Variants in FMO2 observed in about 807,000 individuals in gnomAD.
FMO2 encodes the protein flavin-containing monooxygenase 2.
FMO2 carries 33 observed loss-of-function variants against 41.6 expected under a neutral mutation model. That is an observed-to-expected ratio of 0.79 (90% confidence interval 0.60 to 1.06). The LOEUF (loss-of-function observed/expected upper bound fraction) is 1.06. Ranked by LOEUF, FMO2 falls within the 50% of genes least tolerant of loss-of-function variation. The probability of loss-of-function intolerance (pLI) is 0.00; values close to 1 mark genes in which losing one functional copy is unlikely to be tolerated. For synonymous variants in FMO2, 214 were observed against 219.6 expected, an observed-to-expected ratio of 0.97 and a Z score of 0.23; for missense variants, 619 against 632.9, an observed-to-expected ratio of 0.98 and a Z score of 0.23.
rs1045998026 is a variant in FMO2, at chr1:171,209,344, C to G, written c.*199C>G. The G allele has an allele frequency of 1.8e-5, 7 of 384,626 alleles. No homozygotes were observed. The highest frequency in any genetic ancestry group is 1.5e-4 in the African/African-American group (7 of 48,224). 23.8% of individuals were successfully genotyped at this position (384,626 alleles called of 1,614,324 possible). A position where few individuals can be genotyped will look rare whatever the true frequency, so the allele number is the denominator to read the frequency against. On this transcript the variant is annotated 3_prime_UTR_variant, in exon 9 of 9. Transcript: ENST00000209929. ...CCAAAATTTTGTCATGAAATTTTGCCTTTCCACGCTTCCCTCAGTTCACCA... is the reference window on the plus strand; with the variant it reads ...CCAAAATTTTGTCATGAAATTTTGCGTTTCCACGCTTCCCTCAGTTCACCA...
intron 4 of FMO2, among the ~76,000 whole-genome samples, chr1:171,198,581 T>G (rs1410637388): frequency 6.6e-6 from 1 of 151,814 alleles, no homozygotes; most frequent in Non-Finnish European, 1.5e-5. Flanking sequence ...CCTGGCTAAT[T>G]TTTGTATTTT....
intron 2 of FMO2, chr1:171,186,055 T>C: frequency 2.4e-6 from 1 of 420,798 alleles, no homozygotes; most frequent in Non-Finnish European, 4.3e-6. Flanking sequence ...GACCCAGGCA[T>C]GTAAAAGATC....
rs1271818944 is a variant in FMO2, at chr1:171,210,079, T to C, written c.*934T>C. The C allele has an allele frequency of 6.6e-6, 1 of 152,200 alleles. No homozygotes were observed. The highest frequency in any genetic ancestry group is 2.4e-5 in the African/African-American group (1 of 41,472). The allele number at this position is 152,200 out of a possible 1,614,324, so 9.4% of individuals were successfully genotyped here. ...ATTTATAAAGAATTTACTAACAGTT[T>C]ATCTTATTTATACCCATACATCTGC... On this transcript the variant is annotated 3_prime_UTR_variant, in exon 9 of 9. Coordinates refer to ENST00000209929, the MANE Select transcript of FMO2 (RefSeq NM_001460.5).
At chr1:171,203,749 T>C (rs1164217733) in intron 5 of FMO2, 116 bp from the exon 6 acceptor site, 3 of 890,520 alleles carry the variant, frequency 3.4e-6, no homozygotes, top group Admixed American at 4.4e-5. Flanking sequence ...CAATCATCTT[T>C]AAAACAGAAC....
chr1:171,207,221 C>T (rs1485850059), intron 7 of FMO2, among the ~76,000 whole-genome samples: 1 of 152,144 alleles, frequency 6.6e-6, no homozygotes, highest in Non-Finnish European at 1.5e-5. Context: ...ATCAATCTTT[C>T]CCTATCTCTA....
rs1005097385 is a variant in FMO2 at position 171,209,907 on chromosome 1, A to C, written c.*762A>C. The C allele has an allele frequency of 1.6e-4, 24 of 152,190 alleles. No individual in the cohort carries two copies. The highest frequency in any genetic ancestry group is 5.8e-4 in the African/African-American group (24 of 41,442). 9.4% of individuals were successfully genotyped at this position (152,190 alleles called of 1,614,324 possible). A position where few individuals can be genotyped will look rare whatever the true frequency, so the allele number is the denominator to read the frequency against. On this transcript the variant is annotated 3_prime_UTR_variant, in exon 9 of 9. Coordinates refer to ENST00000209929, the MANE Select transcript of FMO2 (RefSeq NM_001460.5). ...ACAATTCTGTGAAATGGTTACAGCT[A>C]TTATAGTCATTTCACAGATGATGAA... is the stretch of plus-strand genomic sequence containing the variant.
intron 5 of FMO2, among the ~76,000 whole-genome samples, chr1:171,203,321 TCTCACACACACACA>T (rs1258062606): frequency 0.017 from 2,141 of 122,646 alleles, 48 homozygotes; most frequent in African/African-American, 0.069. Context: ...CAAGACCCTG[TCTCACACACACACA>T]CACACACACA....
At chr1:171,201,177 CAGTGTAAA>C (rs1417978408) in intron 5 of FMO2, among the ~76,000 whole-genome samples, 22 of 152,116 alleles carry the variant, frequency 1.4e-4, no homozygotes, top group Non-Finnish European at 1.5e-5. Flanking sequence ...CTCCCTCTAT[CAGTGTAAA>C]TGCCACTAGA....
Position 171,199,337 on chromosome 1 carries a change from C to A in FMO2, c.485-9C>A. 6.4e-7 allele frequency: 1 copy of A among 1,574,122 alleles called. No individual in the cohort carries two copies. Among genetic ancestry groups the A allele is most frequent in the Non-Finnish European group, 8.6e-7 (1 of 1,163,450 alleles). On this transcript the variant is annotated splice_polypyrimidine_tract_variant and intron_variant, in intron 4 of 8. Coordinates refer to ENST00000209929, the MANE Select transcript of FMO2 (RefSeq NM_001460.5). ...GAGCTCACAGACTTCTCTCTTCTTC[C>A]CCCTGAAGGTATGGAGAGGTTCAAA...
At chr1:171,198,489 T>C (rs1256652035) in intron 4 of FMO2, among the ~76,000 whole-genome samples, 2 of 150,918 alleles carry the variant, frequency 1.3e-5, no homozygotes, top group African/African-American at 4.9e-5. Context: ...CACTGCAACC[T>C]CCACAACCTC....
At chr1:171,206,510 TG>T (rs1658763631) in intron 7 of FMO2, among the ~76,000 whole-genome samples, 2 of 152,190 alleles carry the variant, frequency 1.3e-5, no homozygotes, top group Non-Finnish European at 2.9e-5. Flanking sequence ...ACAGGAATTT[TG>T]TAAGACATGC....
intron 2 of FMO2, among the ~76,000 whole-genome samples, chr1:171,187,124 G>A (rs990212494): frequency 2.0e-5 from 3 of 152,204 alleles, no homozygotes; most frequent in Non-Finnish European, 4.4e-5. Flanking sequence ...CACGGCCTAC[G>A]TGACTTCTAA....
intron 5 of FMO2, among the ~76,000 whole-genome samples, chr1:171,202,460 G>C (rs1658574622): frequency 6.6e-6 from 1 of 152,090 alleles, no homozygotes. Context: ...TCCAAATTCT[G>C]GTTTACTCCA....
At chr1:171,200,607 A>T (rs1298107881) in intron 5 of FMO2, among the ~76,000 whole-genome samples, 1 of 152,192 alleles carries the variant, frequency 6.6e-6, no homozygotes, top group Admixed American at 6.5e-5. Context: ...CAGCAGGTTA[A>T]TGAAGGGGTT....
intron 2 of FMO2, among the ~76,000 whole-genome samples, chr1:171,191,512 G>A (rs1205247540): frequency 2.6e-5 from 4 of 152,090 alleles, no homozygotes; most frequent in Non-Finnish European, 5.9e-5. Flanking sequence ...TTTGAGCCAG[G>A]GATTCTGCTA....
In FMO2 at chr1:171,204,787, G is replaced by T. The variant is rs529126635; in HGVS notation, c.828-492G>T. Among the ~76,000 whole-genome samples the T allele has an allele frequency of 3.3e-5, 5 of 152,078 alleles. 1 individual carries two copies. Among genetic ancestry groups the T allele is most frequent in the African/African-American group, 1.2e-4 (5 of 41,506 alleles). ...CTAACAGAGACTCCATGGATATTTG[G>T]GATTAACAAATATCACCAAACCTAA... On this transcript the variant is annotated intron_variant, in intron 6 of 8. Transcript: ENST00000209929.
rs2020866 is a variant in FMO2, at chr1:171,203,982, C to T, written c.745C>T (p.Arg249Ter). 1,563 of 1,613,638 alleles carry T rather than the reference C, an allele frequency of 9.7e-4. 12 individuals are homozygous for T. The African/African-American group carries it at 0.015, about 15-fold the overall frequency. Reference sequence around the variant, plus strand: ...TTCTATGCTCCGCAATGTACTGCCACGAACAGCTGTAAAATGGATGATAGA... The same window carrying T: ...TTCTATGCTCCGCAATGTACTGCCATGAACAGCTGTAAAATGGATGATAGA... ...FRSMLRNVLP[R>*]TAVKWMIEQQ... Residue 249 changes from arginine to a stop codon, truncating the protein, a stop_gained, in exon 6 of 9, where the codon CGA becomes TGA. Coordinates refer to ENST00000209929, the MANE Select transcript of FMO2 (RefSeq NM_001460.5). LOFTEE classifies it high-confidence loss of function.
intron 3 of FMO2, among the ~76,000 whole-genome samples, chr1:171,193,790 T>C (rs1658190724): frequency 7.4e-6 from 1 of 134,924 alleles, no homozygotes; most frequent in East Asian, 2.4e-4. Context: ...TTTTTTTTTT[T>C]TCTCCCTGAG....
chr1:171,203,064 C>A (rs557851482), intron 5 of FMO2, among the ~76,000 whole-genome samples: 1 of 152,256 alleles, frequency 6.6e-6, no homozygotes, highest in East Asian at 1.9e-4. Context: ...AAATACATTA[C>A]AAGCACTGTG....
Sources: gnomAD v4.1 joint callset for allele counts (sites outside exome capture counted in the v4.1 genomes callset) on GRCh38, gnomAD v4.1.1 for gene constraint, MANE v1.5 for transcripts, NCBI Gene and HGNC (gene_info 2026-07-23, HGNC 2026-07-21) for gene names.